SF3B5: variants seen among roughly 807,000 people sequenced by gnomAD.
SF3B5 encodes the protein splicing factor 3b subunit 5, also known as pre-mRNA-splicing factor SF3b 10 kDa subunit.
SF3B5 carries 3 observed loss-of-function variants against 7.0 expected under a neutral mutation model. The observed-to-expected ratio is 0.43, with a 90% confidence interval of 0.19 to 1.10. The LOEUF is 1.10. Among genes scored for constraint, SF3B5 ranks in the 50% least tolerant of loss-of-function variants. SF3B5 has a pLI of 0.29. For synonymous variants in SF3B5, 51 were observed against 44.8 expected, an observed-to-expected ratio of 1.14 and a Z score of -0.55; for missense variants, 73 against 113.6, an observed-to-expected ratio of 0.64 and a Z score of 1.63.
In SF3B5 at chr6:144,094,986, C is replaced by T. The variant is rs1800117189; in HGVS notation, c.*251G>A. 1 of 573,416 alleles carries T rather than the reference C, an allele frequency of 1.7e-6. No individual in the cohort carries two copies. 35.5% of individuals were successfully genotyped at this position (573,416 alleles called of 1,614,324 possible). On this transcript the variant is annotated 3_prime_UTR_variant, in exon 1 of 1. Coordinates refer to ENST00000367569, the MANE Select transcript of SF3B5 (RefSeq NM_031287.3). The stretch of plus-strand genomic sequence containing the variant: ...TCCAGCGCCATGCCCTCTTCTCAAA[C>T]GCTCGCCGGCTCTAGGACCTCTCCA...
In SF3B5 at chr6:144,095,103, C is replaced by G; in HGVS notation, c.*134G>C. 5 of 1,424,246 alleles carry G rather than the reference C, an allele frequency of 3.5e-6. No individual in the cohort carries two copies. Among genetic ancestry groups the G allele is most frequent in the Non-Finnish European group, 4.8e-6 (5 of 1,038,170 alleles). The allele number at this position is 1,424,246 out of a possible 1,614,324, so 88.2% of individuals were successfully genotyped here. A position where few individuals can be genotyped will look rare whatever the true frequency, so the allele number is the denominator to read the frequency against. On this transcript the variant is annotated 3_prime_UTR_variant, in exon 1 of 1. Transcript: ENST00000367569. The surrounding 1 kb of genome is among the most constrained non-coding windows in gnomAD (Gnocchi z 4.3). Reference sequence around the variant, plus strand: ...TCAGGCGGGACTCCCCGGGCAAGCACTTCTGTACGCGGAAAGCACGAGGCG... The same window carrying G: ...TCAGGCGGGACTCCCCGGGCAAGCAGTTCTGTACGCGGAAAGCACGAGGCG...
In SF3B5 at chr6:144,095,168, C is replaced by T; in HGVS notation, c.*69G>A. On this transcript the variant is annotated 3_prime_UTR_variant, in exon 1 of 1. Coordinates refer to ENST00000367569, the MANE Select transcript of SF3B5 (RefSeq NM_031287.3). The surrounding 1 kb of genome is among the most constrained non-coding windows in gnomAD (Gnocchi z 4.3). ...AGCCGGTCCTTTGGAGACAGGAATA[C>T]TTAAGAGGATTGGCAAACCGGAGAA... 1 of 1,600,910 alleles carries T rather than the reference C, an allele frequency of 6.2e-7. No homozygotes were observed. Among genetic ancestry groups the T allele is most frequent in the East Asian group, 2.2e-5 (1 of 44,788 alleles).
rs1800116607 is a variant in SF3B5, at chr6:144,094,927, T to G, written c.*310A>C. 1 of 422,352 alleles carries G rather than the reference T, an allele frequency of 2.4e-6. No individual in the cohort carries two copies. Among genetic ancestry groups the G allele is most frequent in the Non-Finnish European group, 4.4e-6 (1 of 227,656 alleles). 26.2% of individuals were successfully genotyped at this position (422,352 alleles called of 1,614,324 possible). A position where few individuals can be genotyped will look rare whatever the true frequency, so the allele number is the denominator to read the frequency against. On this transcript the variant is annotated 3_prime_UTR_variant, in exon 1 of 1. Transcript: ENST00000367569. Reference sequence around the variant, plus strand: ...TATGGAAAAAGCCAATGACAATCAATTAGCCAAAAACGAGACGCCAAATCC... The same window carrying G: ...TATGGAAAAAGCCAATGACAATCAAGTAGCCAAAAACGAGACGCCAAATCC...
chr6:144,095,382 G>A lies in SF3B5; in HGVS notation c.116C>T (p.Ser39Leu), dbSNP rs1800126368. 1.2e-6 allele frequency: 2 copies of A among 1,614,244 alleles called. No individual in the cohort carries two copies. Among genetic ancestry groups the A allele is most frequent in the Non-Finnish European group, 1.7e-6 (2 of 1,180,038 alleles). Residue 39 changes from serine to leucine, a missense_variant, in exon 1 of 1, where the codon TCG becomes TTG. This residue lies in a region of SF3B5 where 67 missense variants were observed against 82.7 expected (regional missense o/e 0.81). Coordinates refer to ENST00000367569, the MANE Select transcript of SF3B5 (RefSeq NM_031287.3). This position sits in a 1 kb window ranked among gnomAD's most constrained non-coding sequence, Gnocchi z 4.3. ...WEWLVNQHRD[S>L]YCSYMGHFDL... is the part of the protein sequence containing the mutation. ...GAAGTGGCCCATGTAGGAGCAGTACGAGTCGCGGTGTTGGTTCACCAGCCA... is the reference window on the plus strand; with the variant it reads ...GAAGTGGCCCATGTAGGAGCAGTACAAGTCGCGGTGTTGGTTCACCAGCCA...
Position 144,094,899 on chromosome 6 carries a change from C to G in SF3B5, c.*338G>C, listed in dbSNP as rs1380156280. 2.9e-6 allele frequency: 1 copy of G among 342,012 alleles called. No individual in the cohort carries two copies. Among genetic ancestry groups the G allele is most frequent in the African/African-American group, 2.1e-5 (1 of 48,098 alleles). 21.2% of individuals were successfully genotyped at this position (342,012 alleles called of 1,614,324 possible). ...ACCAAGAGACTGAACGATTTCTAAA[C>G]TTTATGGAAAAAGCCAATGACAATC... On this transcript the variant is annotated 3_prime_UTR_variant, in exon 1 of 1. Transcript: ENST00000367569.
chr6:144,095,073 G>T lies in SF3B5; in HGVS notation c.*164C>A. The T allele has an allele frequency of 1.0e-6, 1 of 994,388 alleles. No homozygotes were observed. Among genetic ancestry groups the T allele is most frequent in the Non-Finnish European group, 1.5e-6 (1 of 657,278 alleles). 61.6% of individuals were successfully genotyped at this position (994,388 alleles called of 1,614,324 possible). ...TGCTGTTCTAAGGGTCCACATGAAG[G>T]CAGGTCAGGCGGGACTCCCCGGGCA... On this transcript the variant is annotated 3_prime_UTR_variant, in exon 1 of 1. Transcript: ENST00000367569. This position sits in a 1 kb window ranked among gnomAD's most constrained non-coding sequence, Gnocchi z 4.3.
At position 144,095,515 on chromosome 6, in the gene SF3B5, C is replaced by T. The variant is rs375988619; in HGVS notation, c.-18G>A. The T allele has an allele frequency of 7.4e-6, 12 of 1,612,904 alleles. No homozygotes were observed. Among genetic ancestry groups the T allele is most frequent in the South Asian group, 2.2e-5 (2 of 91,064 alleles). ...TCAGTCATCTCGCCGCTTTCCCCTT[C>T]GCTCTCAGGTCAGAGGACGCAGGTA... On this transcript the variant is annotated 5_prime_UTR_variant, in exon 1 of 1. Transcript: ENST00000367569. The surrounding 1 kb of genome is among the most constrained non-coding windows in gnomAD (Gnocchi z 4.3).
Position 144,095,160 on chromosome 6 carries a change from C to G in SF3B5, c.*77G>C. The G allele has an allele frequency of 6.3e-7, 1 of 1,589,564 alleles. No homozygotes were observed. ...CCATGGAGAGCCGGTCCTTTGGAGA[C>G]AGGAATACTTAAGAGGATTGGCAAA... On this transcript the variant is annotated 3_prime_UTR_variant, in exon 1 of 1. Transcript: ENST00000367569. The surrounding 1 kb of genome is among the most constrained non-coding windows in gnomAD (Gnocchi z 4.3).
chr6:144,095,134 G>C lies in SF3B5; in HGVS notation c.*103C>G. The C allele has an allele frequency of 6.5e-7, 1 of 1,539,860 alleles. No homozygotes were observed. Among genetic ancestry groups the C allele is most frequent in the Non-Finnish European group, 8.8e-7 (1 of 1,132,658 alleles). On this transcript the variant is annotated 3_prime_UTR_variant, in exon 1 of 1. Transcript: ENST00000367569. The surrounding 1 kb of genome is among the most constrained non-coding windows in gnomAD (Gnocchi z 4.3). The stretch of plus-strand genomic sequence containing the variant: ...TACGCGGAAAGCACGAGGCGCAGGA[G>C]CCATGGAGAGCCGGTCCTTTGGAGA...
In SF3B5 at chr6:144,095,004, C is replaced by T. The variant is rs1054615; in HGVS notation, c.*233G>A. The T allele has an allele frequency of 3.2e-6, 2 of 621,636 alleles. No homozygotes were observed. The highest frequency in any genetic ancestry group is 5.6e-5 in the East Asian group (2 of 35,710). 38.5% of individuals were successfully genotyped at this position (621,636 alleles called of 1,614,324 possible). A position where few individuals can be genotyped will look rare whatever the true frequency, so the allele number is the denominator to read the frequency against. On this transcript the variant is annotated 3_prime_UTR_variant, in exon 1 of 1. Coordinates refer to ENST00000367569, the MANE Select transcript of SF3B5 (RefSeq NM_031287.3). This position sits in a 1 kb window ranked among gnomAD's most constrained non-coding sequence, Gnocchi z 4.3. ...TCTCAAACGCTCGCCGGCTCTAGGA[C>T]CTCTCCACCAGCACAGTTCTCAGGA...
In SF3B5 at chr6:144,094,895, T is replaced by C. The variant is rs1800116081; in HGVS notation, c.*342A>G. ...TCACACCAAGAGACTGAACGATTTCTAAACTTTATGGAAAAAGCCAATGAC... is the reference window on the plus strand; with the variant it reads ...TCACACCAAGAGACTGAACGATTTCCAAACTTTATGGAAAAAGCCAATGAC... On this transcript the variant is annotated 3_prime_UTR_variant, in exon 1 of 1. Coordinates refer to ENST00000367569, the MANE Select transcript of SF3B5 (RefSeq NM_031287.3). 1.2e-5 allele frequency: 4 copies of C among 334,506 alleles called. No homozygotes were observed. Among genetic ancestry groups the C allele is most frequent in the Admixed American group, 7.9e-5 (2 of 25,208 alleles). The allele number at this position is 334,506 out of a possible 1,614,324, so 20.7% of individuals were successfully genotyped here. A position where few individuals can be genotyped will look rare whatever the true frequency, so the allele number is the denominator to read the frequency against.
rs1036748654 is a variant in SF3B5, at chr6:144,095,132, G to A, written c.*105C>T. On this transcript the variant is annotated 3_prime_UTR_variant, in exon 1 of 1. Transcript: ENST00000367569. The surrounding 1 kb of genome is among the most constrained non-coding windows in gnomAD (Gnocchi z 4.3). ...TGTACGCGGAAAGCACGAGGCGCAG[G>A]AGCCATGGAGAGCCGGTCCTTTGGA... 24 of 1,535,072 alleles carry A rather than the reference G, an allele frequency of 1.6e-5. No homozygotes were observed. The highest frequency in any genetic ancestry group is 2.4e-4 in the Middle Eastern group (1 of 4,210).
chr6:144,095,208 GCC>G lies in SF3B5; in HGVS notation c.*27_*28del. 6.2e-7 allele frequency: 1 copy of G among 1,612,280 alleles called. No individual in the cohort carries two copies. Among genetic ancestry groups the G allele is most frequent in the Non-Finnish European group, 8.5e-7 (1 of 1,178,976 alleles). On this transcript the variant is annotated 3_prime_UTR_variant, in exon 1 of 1. Transcript: ENST00000367569. The surrounding 1 kb of genome is among the most constrained non-coding windows in gnomAD (Gnocchi z 4.3). ...AAACCGGAGAAACGCTGGGAGAGGT[GCC>G]CCGCACTGCGGTGGTAAGGCAGAGT...
Position 144,095,069 on chromosome 6 carries a change from G to A in SF3B5, c.*168C>T. The A allele has an allele frequency of 1.0e-6, 1 of 975,204 alleles. No individual in the cohort carries two copies. Among genetic ancestry groups the A allele is most frequent in the South Asian group, 1.5e-5 (1 of 68,080 alleles). The allele number at this position is 975,204 out of a possible 1,614,324, so 60.4% of individuals were successfully genotyped here. On this transcript the variant is annotated 3_prime_UTR_variant, in exon 1 of 1. Transcript: ENST00000367569. The surrounding 1 kb of genome is among the most constrained non-coding windows in gnomAD (Gnocchi z 4.3). ...CCAGTGCTGTTCTAAGGGTCCACATGAAGGCAGGTCAGGCGGGACTCCCCG... is the reference window on the plus strand; with the variant it reads ...CCAGTGCTGTTCTAAGGGTCCACATAAAGGCAGGTCAGGCGGGACTCCCCG...
At position 144,094,944 on chromosome 6, in the gene SF3B5, G is replaced by T. The variant is rs1237756059; in HGVS notation, c.*293C>A. The T allele has an allele frequency of 1.7e-5, 8 of 467,354 alleles. No homozygotes were observed. The highest frequency in any genetic ancestry group is 3.1e-5 in the Non-Finnish European group (8 of 255,608). The allele number at this position is 467,354 out of a possible 1,614,324, so 29.0% of individuals were successfully genotyped here. The stretch of plus-strand genomic sequence containing the variant: ...ACAATCAATTAGCCAAAAACGAGAC[G>T]CCAAATCCCATCTCACTCCAGCGCC... On this transcript the variant is annotated 3_prime_UTR_variant, in exon 1 of 1. Transcript: ENST00000367569.
In SF3B5 at chr6:144,095,568, G is replaced by A. The variant is rs890427277; in HGVS notation, c.-71C>T. The A allele has an allele frequency of 1.9e-6, 3 of 1,579,580 alleles. No homozygotes were observed. Among genetic ancestry groups the A allele is most frequent in the East Asian group, 2.3e-5 (1 of 43,540 alleles). On this transcript the variant is annotated 5_prime_UTR_variant, in exon 1 of 1. Coordinates refer to ENST00000367569, the MANE Select transcript of SF3B5 (RefSeq NM_031287.3). This position sits in a 1 kb window ranked among gnomAD's most constrained non-coding sequence, Gnocchi z 4.3. ...AACTCGCCGCTCTAGCGTTTTACAG[G>A]AGAGTGAAGCCACCGCGCGGAAGCT...
rs922155307 is a variant in SF3B5, at chr6:144,095,048, T to G, written c.*189A>C. The G allele has an allele frequency of 1.5e-5, 12 of 797,846 alleles. No individual in the cohort carries two copies. Among genetic ancestry groups the G allele is most frequent in the Non-Finnish European group, 2.0e-5 (10 of 492,178 alleles). 49.4% of individuals were successfully genotyped at this position (797,846 alleles called of 1,614,324 possible). A position where few individuals can be genotyped will look rare whatever the true frequency, so the allele number is the denominator to read the frequency against. On this transcript the variant is annotated 3_prime_UTR_variant, in exon 1 of 1. Transcript: ENST00000367569. The surrounding 1 kb of genome is among the most constrained non-coding windows in gnomAD (Gnocchi z 4.3). ...CTCAGGAGTCCTGCTGGTCTCCCAG[T>G]GCTGTTCTAAGGGTCCACATGAAGG...
At position 144,095,426 on chromosome 6, in the gene SF3B5, G is replaced by T. The variant is rs1345395843; in HGVS notation, c.72C>A (p.Ala24=). Residue 24 remains alanine (A), a synonymous_variant, in exon 1 of 1, where the codon GCC becomes GCA. Transcript: ENST00000367569. This position sits in a 1 kb window ranked among gnomAD's most constrained non-coding sequence, Gnocchi z 4.3. ...CCAGCCACTCCCACTTGGTGGTGTC[G>T]GCGTGGCCCGTGCCGATGTACTTGG... is the stretch of plus-strand genomic sequence containing the variant. ...LQSKYIGTGH[A]DTTKWEWLVN... is the part of the protein sequence containing the mutation. 6.2e-7 allele frequency: 1 copy of T among 1,614,250 alleles called. No individual in the cohort carries two copies. Among genetic ancestry groups the T allele is most frequent in the Non-Finnish European group, 8.5e-7 (1 of 1,180,050 alleles).
Position 144,094,983 on chromosome 6 carries a change from A to G in SF3B5, c.*254T>C. On this transcript the variant is annotated 3_prime_UTR_variant, in exon 1 of 1. Coordinates refer to ENST00000367569, the MANE Select transcript of SF3B5 (RefSeq NM_031287.3). ...CACTCCAGCGCCATGCCCTCTTCTCAAACGCTCGCCGGCTCTAGGACCTCT... is the reference window on the plus strand; with the variant it reads ...CACTCCAGCGCCATGCCCTCTTCTCGAACGCTCGCCGGCTCTAGGACCTCT... 1 of 571,412 alleles carries G rather than the reference A, an allele frequency of 1.8e-6. No homozygotes were observed. The highest frequency in any genetic ancestry group is 2.2e-5 in the South Asian group (1 of 46,356). The allele number at this position is 571,412 out of a possible 1,614,324, so 35.4% of individuals were successfully genotyped here.
Sources: allele counts gnomAD v4.1 joint callset, GRCh38; gene constraint gnomAD v4.1.1; regional missense constraint gnomAD v4.1.1; non-coding constraint Gnocchi (gnomAD v3.1); transcripts MANE v1.5; gene names NCBI Gene and HGNC (gene_info 2026-07-23, HGNC 2026-07-21).